Variants in CDH6 observed in about 807,000 individuals in gnomAD.
CDH6 encodes cadherin 6.
In CDH6, 31 loss-of-function variants were observed where a neutral mutation model predicts 78.0. The ratio of observed to expected loss-of-function variants is 0.40; its 90% CI spans 0.30 to 0.54. The LOEUF (loss-of-function observed/expected upper bound fraction) is 0.54. Ranked by LOEUF, CDH6 falls within the 20% of genes least tolerant of loss-of-function variation. The pLI, the probability that CDH6 is intolerant of heterozygous loss-of-function variation, is 0.56. For synonymous variants in CDH6, 376 were observed against 368.8 expected, an observed-to-expected ratio of 1.02 and a Z score of -0.23; for missense variants, 724 against 975.9, an observed-to-expected ratio of 0.74 and a Z score of 3.44.
chr5:31,309,534 C>G lies in CDH6; in HGVS notation c.1254-3784C>G, dbSNP rs1309931528. Reference sequence around the variant, plus strand: ...ACCTCATAAAGTTTTAAAAATCCAGCTGAAATGGGCAGTTTTTTTTTCTAA... The same window carrying G: ...ACCTCATAAAGTTTTAAAAATCCAGGTGAAATGGGCAGTTTTTTTTTCTAA... On this transcript the variant is annotated intron_variant, in intron 7 of 11. Transcript: ENST00000265071. 1.3e-5 allele frequency among the ~76,000 whole-genome samples: 2 copies of G among 152,056 alleles called. 1 individual carries two copies. The highest frequency in any genetic ancestry group is 4.1e-4 in the South Asian group (2 of 4,828).
intron 1 of CDH6, among the ~76,000 whole-genome samples, chr5:31,225,267 A>T (rs114260131): frequency 4.8e-3 from 731 of 152,316 alleles, no homozygotes; most frequent in Non-Finnish European, 8.6e-3. Flanking sequence ...TTTATAGAAG[A>T]CACTGCATCA....
intron 1 of CDH6, among the ~76,000 whole-genome samples, chr5:31,242,708 G>A (rs896520544): frequency 6.7e-6 from 1 of 150,326 alleles, no homozygotes; most frequent in Non-Finnish European, 1.5e-5. Context: ...GAATGGGGGG[G>A]GGCGGTTAGA....
At chr5:31,304,755 A>T (rs181245089) in intron 6 of CDH6, among the ~76,000 whole-genome samples, 1 of 151,694 alleles carries the variant, frequency 6.6e-6, no homozygotes, top group East Asian at 1.9e-4. Flanking sequence ...GTATTTGCCA[A>T]CTTGCCCCTG....
chr5:31,194,112 G>A (rs1421844879), intron 1 of CDH6, among the ~76,000 whole-genome samples: 4 of 152,040 alleles, frequency 2.6e-5, no homozygotes, highest in Admixed American at 6.5e-5. Context: ...CGCTTCCCGG[G>A]GAGCCTGGGC....
chr5:31,211,789 C>G (rs1161894088), intron 1 of CDH6, among the ~76,000 whole-genome samples: 1 of 152,090 alleles, frequency 6.6e-6, no homozygotes, highest in Non-Finnish European at 1.5e-5. Context: ...TGAGAACTGA[C>G]CTTGCCACGG....
chr5:31,221,951 T>C (rs373114169), intron 1 of CDH6, among the ~76,000 whole-genome samples: 4 of 152,322 alleles, frequency 2.6e-5, no homozygotes, highest in African/African-American at 9.6e-5. Flanking sequence ...GTGGATTATA[T>C]GAGAAACCAT....
At chr5:31,235,294 T>C (rs145665786) in intron 1 of CDH6, among the ~76,000 whole-genome samples, 1 of 136,604 alleles carries the variant, frequency 7.3e-6, no homozygotes, top group African/African-American at 2.6e-5. Context: ...TTAGAAAAAT[T>C]CCATTTTTTT....
At chr5:31,242,725 T>C (rs1211616604) in intron 1 of CDH6, among the ~76,000 whole-genome samples, 3 of 148,554 alleles carry the variant, frequency 2.0e-5, no homozygotes, top group Admixed American at 6.7e-5. Flanking sequence ...TAGAAGAAAA[T>C]ATATACCACA....
intron 1 of CDH6, among the ~76,000 whole-genome samples, chr5:31,214,201 T>C (rs1002191893): frequency 2.0e-5 from 3 of 151,216 alleles, no homozygotes; most frequent in African/African-American, 7.3e-5. Context: ...TGGGCAAAGC[T>C]TCTGACTTCA....
At chr5:31,261,431 G>C (rs1371293604) in intron 1 of CDH6, among the ~76,000 whole-genome samples, 1 of 152,128 alleles carries the variant, frequency 6.6e-6, no homozygotes, top group East Asian at 1.9e-4. Context: ...GTTAAGTGTA[G>C]ATCATCCAAT....
At chr5:31,284,970 G>C (rs773247908) in intron 2 of CDH6, among the ~76,000 whole-genome samples, 3 of 152,204 alleles carry the variant, frequency 2.0e-5, no homozygotes, top group Non-Finnish European at 2.9e-5. Flanking sequence ...TTATCCTAAA[G>C]AGACCGTATT....
At chr5:31,282,743 T>TA (rs1207470205) in intron 2 of CDH6, among the ~76,000 whole-genome samples, 2 of 152,184 alleles carry the variant, frequency 1.3e-5, no homozygotes, top group South Asian at 2.1e-4. Flanking sequence ...GTATTGAGTG[T>TA]AAAAAATAAT....
At chr5:31,253,836 T>C (rs1437934033) in intron 1 of CDH6, among the ~76,000 whole-genome samples, 1 of 152,102 alleles carries the variant, frequency 6.6e-6, no homozygotes, top group East Asian at 1.9e-4. Flanking sequence ...TTTTTTTTTT[T>C]TAGAAGCGAA....
At chr5:31,293,853 C>A in intron 2 of CDH6, 109 bp from the exon 3 acceptor site, 3 of 630,716 alleles carry the variant, frequency 4.8e-6, no homozygotes, top group East Asian at 3.0e-5. Flanking sequence ...ACTTGTATTC[C>A]TTAGAAAGAA....
At chr5:31,249,758 C>A (rs1330888782) in intron 1 of CDH6, 2 of 152,242 alleles carry the variant, frequency 1.3e-5, no homozygotes, top group African/African-American at 4.8e-5. Flanking sequence ...AATGGGCAGG[C>A]CCTGCTGGGT....
chr5:31,217,371 A>C (rs1344207951), intron 1 of CDH6, among the ~76,000 whole-genome samples: 1 of 152,208 alleles, frequency 6.6e-6, no homozygotes, highest in East Asian at 1.9e-4. Flanking sequence ...TACATCAAAA[A>C]GTATCTGTTC....
At chr5:31,292,404 C>T (rs1373562314) in intron 2 of CDH6, among the ~76,000 whole-genome samples, 2 of 152,150 alleles carry the variant, frequency 1.3e-5, no homozygotes, top group Non-Finnish European at 2.9e-5. Context: ...AATGATATTA[C>T]ATGGAATACA....
intron 1 of CDH6, among the ~76,000 whole-genome samples, chr5:31,197,702 G>C (rs930840929): frequency 6.6e-6 from 1 of 152,164 alleles, no homozygotes; most frequent in African/African-American, 2.4e-5. Flanking sequence ...AAGAATATTA[G>C]AGAAGAAATA....
At chr5:31,276,655 C>T (rs1390849331) in intron 2 of CDH6, among the ~76,000 whole-genome samples, 1 of 152,088 alleles carries the variant, frequency 6.6e-6, no homozygotes, top group Non-Finnish European at 1.5e-5. Context: ...AGAGAAAATG[C>T]TTTTCATTCA....
Sources: gnomAD v4.1 joint callset for allele counts (sites outside exome capture counted in the v4.1 genomes callset) on GRCh38, gnomAD v4.1.1 for gene constraint, MANE v1.5 for transcripts, NCBI Gene and HGNC (gene_info 2026-07-23, HGNC 2026-07-21) for gene names.